Variants in PAWR observed in about 807,000 individuals in gnomAD.
The protein encoded by PAWR is pro-apoptotic WT1 regulator, also known as PRKC apoptosis WT1 regulator protein.
In PAWR, 23 loss-of-function variants were observed where a neutral mutation model predicts 32.0. The ratio of observed to expected loss-of-function variants is 0.72; its 90% CI spans 0.52 to 1.02. PAWR has a LOEUF of 1.02. PAWR is among the 50% of genes least tolerant of loss of function. The pLI is 0.00. For synonymous variants in PAWR, 226 were observed against 187.1 expected (o/e 1.21, Z -1.70); for missense variants, 457 against 437.7 (o/e 1.04, Z -0.39).
chr12:79,650,376 G>T (rs747955874), intron 2 of PAWR, among the ~76,000 whole-genome samples: 2 of 152,066 alleles, frequency 1.3e-5, no homozygotes, highest in East Asian at 3.9e-4. Context: ...TTAAATTTTT[G>T]GTTTTTTATT....
chr12:79,650,139 T>A (rs1876770350), intron 2 of PAWR, among the ~76,000 whole-genome samples: 1 of 152,194 alleles, frequency 6.6e-6, no homozygotes, highest in South Asian at 2.1e-4. Flanking sequence ...AACCCCTGAG[T>A]TAAATTTCCA....
At chr12:79,625,949 G>T (rs1875282772) in intron 2 of PAWR, among the ~76,000 whole-genome samples, 1 of 150,972 alleles carries the variant, frequency 6.6e-6, no homozygotes, top group Admixed American at 6.6e-5. Flanking sequence ...CGGATCATGA[G>T]GTCAGGAGAT....
intron 2 of PAWR, among the ~76,000 whole-genome samples, chr12:79,658,991 A>C (rs1877223060): frequency 6.6e-6 from 1 of 151,970 alleles, no homozygotes; most frequent in Admixed American, 6.6e-5. Flanking sequence ...AAAAAAAAGA[A>C]AAAGAAAAAA....
chr12:79,614,839 C>T (rs533738248), intron 3 of PAWR, among the ~76,000 whole-genome samples: 6 of 152,212 alleles, frequency 3.9e-5, no homozygotes, highest in African/African-American at 1.4e-4. Flanking sequence ...GTACAGCAAA[C>T]CATATGATTA....
At chr12:79,658,471 G>A (rs771673360) in intron 2 of PAWR, among the ~76,000 whole-genome samples, 1 of 152,020 alleles carries the variant, frequency 6.6e-6, no homozygotes, top group African/African-American at 2.4e-5. Context: ...AGAGAAAAAA[G>A]ATTTTTTTGC....
At chr12:79,595,867 A>T (rs1405157441) in intron 5 of PAWR, among the ~76,000 whole-genome samples, 1 of 152,144 alleles carries the variant, frequency 6.6e-6, no homozygotes, top group Non-Finnish European at 1.5e-5. Context: ...CTAAATAAAT[A>T]AATAAAAATA....
At position 79,596,503 on chromosome 12, in the gene PAWR, A is replaced by T. The variant is rs763950324; in HGVS notation, c.831+8T>A. 1 of 1,452,660 alleles carries T rather than the reference A, an allele frequency of 6.9e-7. No individual in the cohort carries two copies. The highest frequency in any genetic ancestry group is 9.5e-7 in the Non-Finnish European group (1 of 1,050,502). The allele number at this position is 1,452,660 out of a possible 1,614,324, so 90.0% of individuals were successfully genotyped here. Reference sequence around the variant, plus strand: ...TTTTATCAATCTTAAATAACTTATAATCCATACCTTTTCAAGATCTTCAAT... The same window carrying T: ...TTTTATCAATCTTAAATAACTTATATTCCATACCTTTTCAAGATCTTCAAT... On this transcript the variant is annotated splice_region_variant and intron_variant, in intron 5 of 6. Coordinates refer to ENST00000328827, the MANE Select transcript of PAWR (RefSeq NM_002583.4).
intron 2 of PAWR, among the ~76,000 whole-genome samples, chr12:79,626,933 G>A (rs1875358395): frequency 6.6e-6 from 1 of 152,012 alleles, no homozygotes; most frequent in Non-Finnish European, 1.5e-5. Flanking sequence ...CATTTTTTAC[G>A]GCTGCATAGT....
chr12:79,689,159 C>T (rs2136903130), intron 2 of PAWR, among the ~76,000 whole-genome samples: 1 of 152,258 alleles, frequency 6.6e-6, no homozygotes, highest in Middle Eastern at 3.4e-3. Context: ...TGTTTAGGAG[C>T]ACAACTTATA....
intron 2 of PAWR, among the ~76,000 whole-genome samples, chr12:79,676,047 A>T (rs887677153): frequency 2.6e-5 from 4 of 152,142 alleles, no homozygotes; most frequent in Non-Finnish European, 4.4e-5. Flanking sequence ...AAAATCAAGA[A>T]TGGAGGCAAG....
chr12:79,616,665 T>TA (rs916070046), intron 3 of PAWR, among the ~76,000 whole-genome samples: 1 of 152,194 alleles, frequency 6.6e-6, no homozygotes, highest in Admixed American at 6.5e-5. Context: ...TTAAGTATGC[T>TA]AACCAGAAGT....
chr12:79,665,681 C>T (rs1214072216), intron 2 of PAWR, among the ~76,000 whole-genome samples: 1 of 152,184 alleles, frequency 6.6e-6, no homozygotes, highest in African/African-American at 2.4e-5. Flanking sequence ...CTCTGATATA[C>T]ATCTCCTCTC....
At position 79,649,428 on chromosome 12, in the gene PAWR, T is replaced by C. The variant is rs116811239; in HGVS notation, c.517-28221A>G. 2.1e-3 allele frequency among the ~76,000 whole-genome samples: 324 copies of C among 152,084 alleles called. 2 individuals carry two copies. The highest frequency in any genetic ancestry group is 7.6e-3 in the African/African-American group (316 of 41,482). ...AAGGATATATATAACATACAATACA[T>C]GTATGTTAGGATATTTATTATAGCA... On this transcript the variant is annotated intron_variant, in intron 2 of 6. Transcript: ENST00000328827.
rs752461915 is a variant in PAWR, at chr12:79,621,097, T to C, written c.627A>G (p.Pro209=). The C allele has an allele frequency of 3.7e-6, 6 of 1,605,632 alleles. No homozygotes were observed. In the African/African-American group the frequency reaches 5.4e-5, roughly 14 times the overall value. The change falls in exon 3 of 7, where the codon CCA becomes CCG. Residue 209 remains proline, a synonymous_variant. Coordinates refer to ENST00000328827, the MANE Select transcript of PAWR (RefSeq NM_002583.4). ...IQNEAVNLLD[P]GSSYLLQEPP... ...TCACCTGTAGCAGATAGGAACTGCC[T>C]GGATCTAGTAAGTTTACAGCTTCAT...
intron 2 of PAWR, among the ~76,000 whole-genome samples, chr12:79,638,790 GGTGTGTGTGTGTGTGTGTGT>G (rs34039182): frequency 1.0e-4 from 11 of 105,272 alleles, no homozygotes; most frequent in Non-Finnish European, 2.0e-4. Flanking sequence ...TTATATTTGG[GGTGTGTGTGTGTGTGTGTGT>G]GTGTGTGTGT....
At chr12:79,661,593 A>C (rs944548981) in intron 2 of PAWR, among the ~76,000 whole-genome samples, 4 of 152,210 alleles carry the variant, frequency 2.6e-5, no homozygotes, top group African/African-American at 4.8e-5. Flanking sequence ...TTTCTTACTC[A>C]AAAATTTTAT....
At position 79,584,920 on chromosome 12, in the gene PAWR, A is replaced by G. The variant is rs996091133; in HGVS notation, c.*7687T>C. 3 of 184,404 alleles carry G rather than the reference A, an allele frequency of 1.6e-5. No homozygotes were observed. The highest frequency in any genetic ancestry group is 7.4e-5 in the African/African-American group (3 of 40,284). 11.4% of individuals were successfully genotyped at this position (184,404 alleles called of 1,614,324 possible). On this transcript the variant is annotated 3_prime_UTR_variant, in exon 7 of 7. Transcript: ENST00000328827. ...CATTTATTTTTTCCAATCAAGTCTT[A>G]AAAGTTTGATGAAAGCGCATTATTG...
chr12:79,657,758 C>G (rs983811352), intron 2 of PAWR, among the ~76,000 whole-genome samples: 18 of 151,656 alleles, frequency 1.2e-4, no homozygotes, highest in Non-Finnish European at 2.1e-4. Flanking sequence ...CGCGCCACTG[C>G]ACCCCAGCCT....
At chr12:79,622,294 G>A (rs957626939) in intron 2 of PAWR, among the ~76,000 whole-genome samples, 1 of 152,140 alleles carries the variant, frequency 6.6e-6, no homozygotes, top group East Asian at 1.9e-4. Context: ...GTCTGAGATG[G>A]AGTGTTTTTT....
Sources: gnomAD v4.1 joint callset for allele counts (sites outside exome capture counted in the v4.1 genomes callset) on GRCh38, gnomAD v4.1.1 for gene constraint, MANE v1.5 for transcripts, NCBI Gene and HGNC (gene_info 2026-07-23, HGNC 2026-07-21) for gene names.